The following FRRS1L variants were observed in gnomAD, a reference collection of about 807,000 sequenced individuals.
FRRS1L encodes the protein ferric chelate reductase 1 like, also known as DOMON domain-containing protein FRRS1L.
In FRRS1L, 22 loss-of-function variants were observed where a neutral mutation model predicts 28.6. That is an observed-to-expected ratio of 0.77 (90% CI 0.55 to 1.10). FRRS1L has a LOEUF of 1.10. Among genes scored for constraint, FRRS1L ranks in the 50% least tolerant of loss-of-function variants. The pLI is 0.00. For synonymous variants in FRRS1L, 158 were observed against 151.4 expected (o/e 1.04, Z -0.32); for missense variants, 380 against 386.9 (o/e 0.98, Z 0.15).
At chr9:109,158,069 T>G (rs1281544143) in intron 1 of FRRS1L, among the ~76,000 whole-genome samples, 1 of 152,230 alleles carries the variant, frequency 6.6e-6, no homozygotes, top group Non-Finnish European at 1.5e-5. Flanking sequence ...GAGGGTCCTT[T>G]GAAATAATGT....
chr9:109,162,303 G>A (rs775999028), intron 1 of FRRS1L, among the ~76,000 whole-genome samples: 15 of 152,156 alleles, frequency 9.9e-5, no homozygotes, highest in African/African-American at 1.7e-4. Flanking sequence ...ATGACAGAGC[G>A]AGATTCTGTC....
At position 109,132,638 on chromosome 9, in the gene FRRS1L, A is replaced by G. The variant is rs1003906909; in HGVS notation, c.*4817T>C. The G allele has an allele frequency of 4.9e-4, 75 of 152,294 alleles. No individual in the cohort carries two copies. The highest frequency in any genetic ancestry group is 1.8e-3 in the African/African-American group (73 of 41,554). The allele number at this position is 152,294 out of a possible 1,614,324, so 9.4% of individuals were successfully genotyped here. On this transcript the variant is annotated 3_prime_UTR_variant, in exon 5 of 5. Transcript: ENST00000561981. ...TATATTGGTGTGTCCCTATCTAAGAACAAGGGTGGGAAAGCCACAGTCCAT... is the reference window on the plus strand; with the variant it reads ...TATATTGGTGTGTCCCTATCTAAGAGCAAGGGTGGGAAAGCCACAGTCCAT...
intron 1 of FRRS1L, chr9:109,149,950 T>G (rs182630358): frequency 1.2e-3 from 507 of 438,266 alleles, no homozygotes; most frequent in Non-Finnish European, 1.6e-3. Context: ...CTTTTCTCAC[T>G]TTACAGGAGA....
rs753796727 is a variant in FRRS1L at position 109,149,628 on chromosome 9, C to T, written c.323+8G>A. On this transcript the variant is annotated splice_region_variant and intron_variant, in intron 2 of 4. Transcript: ENST00000561981. ...CCTTAAAGTTATCCAACCTGCAGTT[C>T]CACCAACCTAAAGCATCCCTTAGTT... The T allele has an allele frequency of 6.3e-6, 10 of 1,595,540 alleles. No individual in the cohort carries two copies. The highest frequency in any genetic ancestry group is 1.1e-5 in the South Asian group (1 of 90,612).
intron 1 of FRRS1L, among the ~76,000 whole-genome samples, chr9:109,159,528 G>T (rs1297248650): frequency 6.6e-6 from 1 of 152,192 alleles, no homozygotes; most frequent in Non-Finnish European, 1.5e-5. Context: ...TGCCAGGCAT[G>T]GTGGGACCCA....
chr9:109,149,533 G>C lies in FRRS1L; in HGVS notation c.323+103C>G, dbSNP rs146918661. 299 of 753,260 alleles carry C rather than the reference G, an allele frequency of 4.0e-4. 4 individuals carry two copies. The East Asian group carries it at 7.0e-3, about 18-fold the overall frequency. 46.7% of individuals were successfully genotyped at this position (753,260 alleles called of 1,614,324 possible). A position where few individuals can be genotyped will look rare whatever the true frequency, so the allele number is the denominator to read the frequency against. ...ATAACCCTGCTGAGGTGATCAAGGAGCTCAGGCCCCCTGATTAGAAGGAAC... is the reference window on the plus strand; with the variant it reads ...ATAACCCTGCTGAGGTGATCAAGGACCTCAGGCCCCCTGATTAGAAGGAAC... On this transcript the variant is annotated intron_variant, in intron 2 of 4. Coordinates refer to ENST00000561981, the MANE Select transcript of FRRS1L (RefSeq NM_014334.4).
intron 1 of FRRS1L, among the ~76,000 whole-genome samples, chr9:109,159,155 AT>A (rs1831448710): frequency 6.6e-6 from 1 of 152,128 alleles, no homozygotes; most frequent in African/African-American, 2.4e-5. Flanking sequence ...CTGTTTTTAA[AT>A]TGGATTATCT....
intron 1 of FRRS1L, among the ~76,000 whole-genome samples, chr9:109,161,392 TCTC>T (rs1831478871): frequency 6.6e-6 from 1 of 152,196 alleles, no homozygotes; most frequent in East Asian, 1.9e-4. Context: ...TATCAATTCT[TCTC>T]CTTCCTTTTC....
intron 4 of FRRS1L, 128 bp from the exon 5 acceptor site, chr9:109,137,755 G>T: frequency 2.1e-6 from 1 of 473,548 alleles, no homozygotes. Flanking sequence ...ACAAAGATCT[G>T]GATTCAGGTA....
At chr9:109,145,503 G>A (rs1831247028) in intron 3 of FRRS1L, among the ~76,000 whole-genome samples, 1 of 152,168 alleles carries the variant, frequency 6.6e-6, no homozygotes, top group African/African-American at 2.4e-5. Flanking sequence ...TTCGAGACCA[G>A]CCTGGCCAAC....
At chr9:109,157,584 C>T (rs147517829) in intron 1 of FRRS1L, among the ~76,000 whole-genome samples, 1 of 152,112 alleles carries the variant, frequency 6.6e-6, no homozygotes, top group African/African-American at 2.4e-5. Context: ...GAATATGTTG[C>T]CCAGGCTGGT....
intron 1 of FRRS1L, 143 bp from the exon 2 acceptor site, chr9:109,149,863 C>T: frequency 3.1e-6 from 2 of 635,452 alleles, no homozygotes; most frequent in Non-Finnish European, 5.7e-6. Flanking sequence ...GAAGGCTAAT[C>T]ATCCCCTTCA....
At chr9:109,141,775 T>G (rs1262401551) in intron 3 of FRRS1L, among the ~76,000 whole-genome samples, 186 bp from the exon 4 acceptor site, 1 of 152,094 alleles carries the variant, frequency 6.6e-6, no homozygotes, top group East Asian at 1.9e-4. Context: ...ATTCAGTGCC[T>G]CCTGACTGAT....
rs1193618093 is a variant in FRRS1L at position 109,130,503 on chromosome 9, C to T, written c.*6952G>A. ...ATTACTTTACATAAATAGAAATCCA[C>T]GTCTTTATTAGTAATGTGCCACACA... On this transcript the variant is annotated 3_prime_UTR_variant, in exon 5 of 5. Transcript: ENST00000561981. 2.0e-5 allele frequency: 3 copies of T among 152,116 alleles called. No homozygotes were observed. Among genetic ancestry groups the T allele is most frequent in the Admixed American group, 1.3e-4 (2 of 15,272 alleles). 9.4% of individuals were successfully genotyped at this position (152,116 alleles called of 1,614,324 possible). A position where few individuals can be genotyped will look rare whatever the true frequency, so the allele number is the denominator to read the frequency against.
intron 1 of FRRS1L, among the ~76,000 whole-genome samples, chr9:109,159,267 T>C (rs1485070636): frequency 6.6e-6 from 1 of 152,150 alleles, no homozygotes; most frequent in Non-Finnish European, 1.5e-5. Flanking sequence ...TCTTGATTAA[T>C]TTTGCCAGAT....
intron 4 of FRRS1L, chr9:109,139,829 C>G (rs2118464063): frequency 6.6e-6 from 1 of 152,252 alleles, no homozygotes; most frequent in Non-Finnish European, 1.5e-5. Flanking sequence ...CATCTCTGGG[C>G]TGATTGGTGG....
At chr9:109,140,970 T>C (rs573210541) in intron 4 of FRRS1L, 30 of 220,974 alleles carry the variant, frequency 1.4e-4, no homozygotes, top group Admixed American at 1.2e-3. Context: ...TCTTAATCTC[T>C]CTAAAATCAG....
chr9:109,140,590 A>G (rs1831166682), intron 4 of FRRS1L: 1 of 152,192 alleles, frequency 6.6e-6, no homozygotes, highest in Non-Finnish European at 1.5e-5. Flanking sequence ...CTATGGGATA[A>G]TTTGGTAGAT....
At chr9:109,156,250 G>A (rs946833754) in intron 1 of FRRS1L, among the ~76,000 whole-genome samples, 9 of 152,188 alleles carry the variant, frequency 5.9e-5, no homozygotes, top group Admixed American at 5.2e-4. Flanking sequence ...AGAAATTTGT[G>A]TATCTTATGA....
Sources: allele counts gnomAD v4.1 joint callset (sites outside exome capture counted in the v4.1 genomes callset), GRCh38; gene constraint gnomAD v4.1.1; transcripts MANE v1.5; gene names NCBI Gene and HGNC (gene_info 2026-07-23, HGNC 2026-07-21).